Variants in RUNX2 observed in about 807,000 individuals in gnomAD.
RUNX2 encodes the protein RUNX family transcription factor 2.
RUNX2 carries 10 observed loss-of-function variants against 51.7 expected under a neutral mutation model. That is an observed-to-expected ratio of 0.19 (90% confidence interval 0.12 to 0.33). RUNX2 has a LOEUF of 0.33. Ranked by LOEUF, RUNX2 falls within the 10% of genes least tolerant of loss-of-function variation. The pLI, the probability that RUNX2 is intolerant of heterozygous loss-of-function variation, is 1.00. For synonymous variants in RUNX2, 276 were observed against 273.6 expected (o/e 1.01, Z -0.09); for missense variants, 562 against 691.3 (o/e 0.81, Z 2.10).
At chr6:45,534,895 G>A (rs564330533) in intron 7 of RUNX2, among the ~76,000 whole-genome samples, 2 of 152,290 alleles carry the variant, frequency 1.3e-5, no homozygotes, top group African/African-American at 4.8e-5. Context: ...GCAGTTTAAA[G>A]TCTAGTTGAA....
intron 2 of RUNX2, among the ~76,000 whole-genome samples, chr6:45,413,299 G>A (rs1163276281): frequency 6.6e-6 from 1 of 151,900 alleles, no homozygotes; most frequent in Admixed American, 6.6e-5. Context: ...CCATATTTTT[G>A]TTGTTAAAGA....
chr6:45,400,432 G>A (rs1797688409), intron 2 of RUNX2, among the ~76,000 whole-genome samples: 1 of 152,134 alleles, frequency 6.6e-6, no homozygotes, highest in African/African-American at 2.4e-5. Flanking sequence ...TCTAGTTCCA[G>A]TAAATGGTAA....
chr6:45,365,388 C>A, intron 2 of RUNX2: 1 of 845,464 alleles, frequency 1.2e-6, no homozygotes, highest in Non-Finnish European at 1.8e-6. Context: ...TAAATTACTT[C>A]AAAAAGTAGA....
rs113198989 is a variant in RUNX2, at chr6:45,399,288, C to T, written c.59-23305C>T. Among the ~76,000 whole-genome samples, 1,366 of 151,248 alleles carry T rather than the reference C, an allele frequency of 9.0e-3. 12 individuals are homozygous for T. The highest frequency in any genetic ancestry group is 0.024 in the South Asian group (113 of 4,760). On this transcript the variant is annotated intron_variant, in intron 2 of 8. Coordinates refer to ENST00000647337, the MANE Select transcript of RUNX2 (RefSeq NM_001024630.4). Reference sequence around the variant, plus strand: ...TCCCAAAGTGGCTTCTTTTTCTCTTCCCCCTTTCCCTTTTTTGTCTTCCTG... The same window carrying T: ...TCCCAAAGTGGCTTCTTTTTCTCTTTCCCCTTTCCCTTTTTTGTCTTCCTG...
intron 5 of RUNX2, among the ~76,000 whole-genome samples, chr6:45,484,408 A>G (rs1474898323): frequency 6.6e-6 from 1 of 152,206 alleles, no homozygotes; most frequent in Admixed American, 6.5e-5. Context: ...ATTAAACATT[A>G]CAAGAGTATA....
intron 2 of RUNX2, among the ~76,000 whole-genome samples, chr6:45,330,123 A>G (rs983196762): frequency 1.3e-5 from 2 of 151,930 alleles, no homozygotes; most frequent in Admixed American, 1.3e-4. Context: ...TTTACAAAAA[A>G]AAATGTAAAA....
intron 5 of RUNX2, among the ~76,000 whole-genome samples, chr6:45,478,898 T>A (rs1563104169): frequency 6.6e-6 from 1 of 152,134 alleles, no homozygotes; most frequent in African/African-American, 2.4e-5. Flanking sequence ...TTTTCTTTTC[T>A]TTTTATTTTA....
chr6:45,446,473 G>A (rs1036867701), intron 5 of RUNX2, among the ~76,000 whole-genome samples: 2 of 151,018 alleles, frequency 1.3e-5, no homozygotes, highest in Non-Finnish European at 1.5e-5. Context: ...AGAGAAAGAG[G>A]TTCCCCTCCC....
chr6:45,447,320 A>C (rs1264630127), intron 5 of RUNX2, among the ~76,000 whole-genome samples: 3 of 151,910 alleles, frequency 2.0e-5, no homozygotes, highest in African/African-American at 7.3e-5. Context: ...GTTCTGATAT[A>C]CTCTTAAGAG....
At chr6:45,342,928 G>C (rs1356538975) in intron 2 of RUNX2, among the ~76,000 whole-genome samples, 1 of 152,110 alleles carries the variant, frequency 6.6e-6, no homozygotes, top group East Asian at 1.9e-4. Context: ...GACAGCAGGG[G>C]TTTTGGTGTT....
chr6:45,420,854 G>A (rs1039514180), intron 2 of RUNX2, among the ~76,000 whole-genome samples: 2 of 152,174 alleles, frequency 1.3e-5, no homozygotes, highest in Admixed American at 1.3e-4. Flanking sequence ...CACGTGCTCT[G>A]ACTCTCATCA....
At chr6:45,442,975 T>G (rs938706858) in intron 5 of RUNX2, among the ~76,000 whole-genome samples, 2 of 151,588 alleles carry the variant, frequency 1.3e-5, no homozygotes, top group African/African-American at 4.8e-5. Context: ...TGAGTCTGAC[T>G]TCTCACATGG....
chr6:45,512,365 A>T lies in RUNX2; in HGVS notation c.979A>T (p.Thr327Ser). The change falls in exon 7 of 9, where the codon ACT becomes TCT. Residue 327 changes from threonine to serine, a missense_variant. Around this residue, in one of 5 missense-constraint regions of RUNX2, gnomAD observed 304 missense variants for 353.2 expected, o/e 0.86. Transcript: ENST00000647337. ...STTPLSSTRG[T>S]GLPAITDVPR... The stretch of plus-strand genomic sequence containing the variant: ...CACCCCGCTGTCTTCCACACGGGGC[A>T]CTGGGCTTCCTGCCATCACCGATGT... 1 of 1,614,024 alleles carries T rather than the reference A, an allele frequency of 6.2e-7. No homozygotes were observed. Among genetic ancestry groups the T allele is most frequent in the Non-Finnish European group, 8.5e-7 (1 of 1,179,990 alleles).
intron 2 of RUNX2, among the ~76,000 whole-genome samples, chr6:45,357,908 A>T (rs1310099880): frequency 6.6e-6 from 1 of 152,102 alleles, no homozygotes; most frequent in African/African-American, 2.4e-5. Flanking sequence ...TATATATATA[A>T]ATACATTCAC....
intron 7 of RUNX2, among the ~76,000 whole-genome samples, chr6:45,542,111 G>A (rs564655033): frequency 8.4e-4 from 128 of 152,128 alleles, no homozygotes; most frequent in Non-Finnish European, 1.3e-3. Flanking sequence ...ATGCCACAGG[G>A]AGGATTCCCG....
chr6:45,485,697 G>GTATACATATATATATATATATATATATA, intron 5 of RUNX2, among the ~76,000 whole-genome samples: 1 of 104,072 alleles, frequency 9.6e-6, no homozygotes, highest in East Asian at 3.4e-4. Flanking sequence ...GTGTGTGTGT[G>GTATACATATATATATATATATATATATA]TATATATATA....
chr6:45,367,753 A>T (rs949232961), intron 2 of RUNX2, among the ~76,000 whole-genome samples: 3 of 152,158 alleles, frequency 2.0e-5, no homozygotes, highest in Non-Finnish European at 4.4e-5. Flanking sequence ...GTCCTGAGAC[A>T]CTGCTGGAGC....
chr6:45,515,302 T>C (rs1296983309), intron 7 of RUNX2, among the ~76,000 whole-genome samples: 2 of 152,230 alleles, frequency 1.3e-5, no homozygotes, highest in African/African-American at 4.8e-5. Context: ...GGCAACTTCT[T>C]ACTTCTCTGA....
chr6:45,489,382 C>A (rs1311653152), intron 5 of RUNX2, among the ~76,000 whole-genome samples: 1 of 152,098 alleles, frequency 6.6e-6, no homozygotes, highest in Admixed American at 6.6e-5. Context: ...AAACGCTGGG[C>A]TAAGAGAAAG....
Sources: gnomAD v4.1 joint callset for allele counts (sites outside exome capture counted in the v4.1 genomes callset) on GRCh38, gnomAD v4.1.1 for gene constraint, gnomAD v4.1.1 regional missense constraint, MANE v1.5 for transcripts, NCBI Gene and HGNC (gene_info 2026-07-23, HGNC 2026-07-21) for gene names.